OTOGL: variants seen among roughly 807,000 people sequenced by gnomAD.
OTOGL encodes the protein otogelin like, also known as otogelin-like protein.
A neutral mutation model predicts 318.5 loss-of-function variants in OTOGL; 285 were observed. The ratio of observed to expected loss-of-function variants is 0.89; its 90% CI spans 0.81 to 0.99. The LOEUF is 0.99. Among genes scored for constraint, OTOGL ranks in the 50% least tolerant of loss-of-function variants. The probability of loss-of-function intolerance (pLI) is 0.00; values close to 1 mark genes in which losing one functional copy is unlikely to be tolerated. For synonymous variants in OTOGL, 987 were observed against 936.5 expected (o/e 1.05, Z -0.99); for missense variants, 2,899 against 2,845.6 (o/e 1.02, Z -0.43).
At chr12:80,231,550 G>T (rs1368253546) in intron 8 of OTOGL, among the ~76,000 whole-genome samples, 1 of 152,068 alleles carries the variant, frequency 6.6e-6, no homozygotes, top group Middle Eastern at 3.2e-3. Context: ...TGAGAGAAAT[G>T]TATGAATATA....
At chr12:80,350,383 T>C (rs1265424558) in intron 44 of OTOGL, among the ~76,000 whole-genome samples, 1 of 152,242 alleles carries the variant, frequency 6.6e-6, no homozygotes, top group African/African-American at 2.4e-5. Context: ...CAGACATCTC[T>C]GTGACATACT....
At chr12:80,129,697 A>G (rs1282594729) in intron 1 of OTOGL, among the ~76,000 whole-genome samples, 1 of 151,846 alleles carries the variant, frequency 6.6e-6, no homozygotes, top group East Asian at 1.9e-4. Context: ...CTCATTCTTA[A>G]TTTCCCTGTG....
At chr12:80,239,287 C>A in intron 10 of OTOGL, 46 bp from the exon 11 acceptor site, 2 of 1,363,676 alleles carry the variant, frequency 1.5e-6, no homozygotes, top group Non-Finnish European at 2.1e-6. Flanking sequence ...AGACTATACA[C>A]ATACCATGAA....
chr12:80,146,677 C>G (rs1221256347), intron 1 of OTOGL, among the ~76,000 whole-genome samples: 2 of 151,992 alleles, frequency 1.3e-5, no homozygotes, highest in African/African-American at 4.8e-5. Context: ...AGCTGTGAAT[C>G]CATCTGGTCC....
At position 80,371,948 on chromosome 12, in the gene OTOGL, T is replaced by G. The variant is rs1246634279; in HGVS notation, c.6736-71T>G. 5.0e-6 allele frequency: 5 copies of G among 1,008,250 alleles called. No individual in the cohort carries two copies. In the African/African-American group the frequency reaches 8.2e-5, roughly 16 times the overall value. The allele number at this position is 1,008,250 out of a possible 1,614,324, so 62.5% of individuals were successfully genotyped here. On this transcript the variant is annotated intron_variant, in intron 56 of 58. Coordinates refer to ENST00000547103, the MANE Select transcript of OTOGL (RefSeq NM_001378609.3). ...ATAAAAGTTTTAGAAAAGTTAGTTT[T>G]CTTTTTCTAGTACAAGAGAACATGG...
chr12:80,135,344 C>T (rs1871498085), intron 1 of OTOGL, among the ~76,000 whole-genome samples: 1 of 145,736 alleles, frequency 6.9e-6, no homozygotes, highest in Non-Finnish European at 1.5e-5. Flanking sequence ...ATGATCTCAG[C>T]TCATTGTAAC....
intron 9 of OTOGL, among the ~76,000 whole-genome samples, chr12:80,233,939 A>AATG (rs573678224): frequency 2.5e-4 from 35 of 138,070 alleles, no homozygotes; most frequent in African/African-American, 9.3e-4. Flanking sequence ...TAATAATAAT[A>AATG]ATATACTTTG....
chr12:80,123,368 A>G (rs1200524745), intron 1 of OTOGL, among the ~76,000 whole-genome samples: 1 of 152,100 alleles, frequency 6.6e-6, no homozygotes, highest in Non-Finnish European at 1.5e-5. Context: ...TGAACTCATC[A>G]TTTTTTAAGG....
intron 1 of OTOGL, among the ~76,000 whole-genome samples, chr12:80,101,096 T>A (rs1869108905): frequency 2.0e-5 from 3 of 152,188 alleles, no homozygotes; most frequent in Admixed American, 2.0e-4. Context: ...AGCCTCAATT[T>A]AAAAAAGTGA....
Position 80,170,211 on chromosome 12 carries a change from G to GTGTA in OTOGL, c.-19-39194_-19-39191dup, listed in dbSNP as rs1301890436. Among the ~76,000 whole-genome samples, 4 of 108,122 alleles carry GTGTA rather than the reference G, an allele frequency of 3.7e-5. No homozygotes were observed. In the East Asian group the frequency reaches 9.7e-4, roughly 26 times the overall value. 70.9% of individuals were successfully genotyped at this position (108,122 alleles called of 152,430 possible). A position where few individuals can be genotyped will look rare whatever the true frequency, so the allele number is the denominator to read the frequency against. ...TGTGTGTGTGTGTGTGTGTGTGTGT[G>GTGTA]TGTATGTATGTGTGTGTGTGTATGT... On this transcript the variant is annotated intron_variant, in intron 1 of 58. Coordinates refer to ENST00000547103, the MANE Select transcript of OTOGL (RefSeq NM_001378609.3).
intron 4 of OTOGL, among the ~76,000 whole-genome samples, chr12:80,213,065 T>C (rs971898524): frequency 1.1e-4 from 17 of 152,220 alleles, no homozygotes; most frequent in African/African-American, 4.1e-4. Context: ...GGCTACTCCA[T>C]AGGCAGAGCA....
chr12:80,202,577 T>C (rs1876537050), intron 1 of OTOGL, among the ~76,000 whole-genome samples: 1 of 152,174 alleles, frequency 6.6e-6, no homozygotes. Flanking sequence ...CCAGCCTGTC[T>C]GGTATCTTTC....
At chr12:80,172,589 A>G (rs1457346680) in intron 1 of OTOGL, among the ~76,000 whole-genome samples, 1 of 149,252 alleles carries the variant, frequency 6.7e-6, no homozygotes, top group East Asian at 2.0e-4. Context: ...TCCTTTTTCT[A>G]TCTGATTTTT....
At chr12:80,320,935 C>A (rs762682864) in intron 34 of OTOGL, among the ~76,000 whole-genome samples, 1 of 152,020 alleles carries the variant, frequency 6.6e-6, no homozygotes, top group African/African-American at 2.4e-5. Flanking sequence ...ATGTAAATTA[C>A]TTAGAACAAT....
chr12:80,103,323 T>C, intron 1 of OTOGL: 4 of 1,571,048 alleles, frequency 2.5e-6, no homozygotes, highest in Non-Finnish European at 3.5e-6. Flanking sequence ...CACAAAGGGA[T>C]TAAACTTCAT....
At chr12:80,168,341 C>G (rs1000644871) in intron 1 of OTOGL, among the ~76,000 whole-genome samples, 1 of 152,126 alleles carries the variant, frequency 6.6e-6, no homozygotes, top group African/African-American at 2.4e-5. Context: ...TTCTTTCACT[C>G]TATAAGATAT....
At chr12:80,219,568 G>A (rs989535694) in intron 5 of OTOGL, among the ~76,000 whole-genome samples, 7 of 152,180 alleles carry the variant, frequency 4.6e-5, no homozygotes, top group African/African-American at 1.7e-4. Flanking sequence ...CTTGAAAGGA[G>A]CTAACCTTTG....
intron 52 of OTOGL, among the ~76,000 whole-genome samples, chr12:80,360,590 C>A (rs1592755973): frequency 1.3e-5 from 2 of 151,750 alleles, no homozygotes; most frequent in Admixed American, 1.3e-4. Flanking sequence ...CAAGTGATTC[C>A]CCTGCCTCAG....
chr12:80,269,739 T>A (rs1043915756), intron 22 of OTOGL, among the ~76,000 whole-genome samples: 4 of 152,202 alleles, frequency 2.6e-5, no homozygotes, highest in Non-Finnish European at 4.4e-5. Context: ...ATTTTTTCTT[T>A]GTTTTACTTC....
Sources: gnomAD v4.1 joint callset for allele counts (sites outside exome capture counted in the v4.1 genomes callset) on GRCh38, gnomAD v4.1.1 for gene constraint, MANE v1.5 for transcripts, NCBI Gene and HGNC (gene_info 2026-07-23, HGNC 2026-07-21) for gene names.